Variants in HOXA3 observed in about 807,000 individuals in gnomAD.
HOXA3 encodes the protein homeobox protein Hox-A3.
In HOXA3, 8 loss-of-function variants were observed where a neutral mutation model predicts 30.3. The observed-to-expected ratio is 0.26, with a 90% CI of 0.15 to 0.48. The LOEUF (loss-of-function observed/expected upper bound fraction) is 0.48. HOXA3 is among the 20% of genes least tolerant of loss of function. HOXA3 has a pLI of 0.99. For synonymous variants in HOXA3, 323 were observed against 273.1 expected (o/e 1.18, Z -1.80); for missense variants, 653 against 614.4 (o/e 1.06, Z -0.66).
intron 2 of HOXA3, chr7:27,130,511 C>T: frequency 7.6e-7 from 1 of 1,315,524 alleles, no homozygotes; most frequent in Non-Finnish European, 9.7e-7. Flanking sequence ...GTCCGCGGCG[C>T]GTAGTAGGAG....
At chr7:27,139,749 C>A (rs980876353) in intron 2 of HOXA3, among the ~76,000 whole-genome samples, 2 of 152,186 alleles carry the variant, frequency 1.3e-5, no homozygotes, top group Non-Finnish European at 2.9e-5. Context: ...ACTGGGGGTG[C>A]GGCCCTGCCA....
At chr7:27,144,722 T>A (rs1390094906) in intron 1 of HOXA3, among the ~76,000 whole-genome samples, 2 of 152,222 alleles carry the variant, frequency 1.3e-5, no homozygotes, top group Non-Finnish European at 1.5e-5. Context: ...TCCTTGGCAG[T>A]GCCTAGTATC....
intron 3 of HOXA3, among the ~76,000 whole-genome samples, chr7:27,126,449 A>G (rs1337738626): frequency 6.6e-6 from 1 of 152,140 alleles, no homozygotes; most frequent in Non-Finnish European, 1.5e-5. Context: ...GCTTAAAAAA[A>G]AAAAACAATT....
chr7:27,110,156 G>C lies in HOXA3; in HGVS notation c.485C>G (p.Ser162Cys). ...AKQIFPWMKE[S>C]RQNTKQKTSS... Reference sequence around the variant, plus strand: ...GGTTTTCTGCTTTGTGTTTTGTCGAGACTCTTTCATCCAGGGGAAGATTTG... The same window carrying C: ...GGTTTTCTGCTTTGTGTTTTGTCGACACTCTTTCATCCAGGGGAAGATTTG... The change falls in exon 5 of 6, where the codon TCT (serine) becomes TGT (cysteine). Residue 162 changes from serine to cysteine, a missense_variant. Physicochemically the swap from Ser to Cys is moderately radical, Grantham distance 112. Coordinates refer to ENST00000612286, the MANE Select transcript of HOXA3 (RefSeq NM_153631.3). 4 of 1,614,224 alleles carry C rather than the reference G, an allele frequency of 2.5e-6. No individual in the cohort carries two copies. Among genetic ancestry groups the C allele is most frequent in the Non-Finnish European group, 2.5e-6 (3 of 1,180,042 alleles).
rs761518289 is a variant in HOXA3 at position 27,130,491 on chromosome 7, C to G, written c.-389-3421G>C. 2,427 of 1,279,822 alleles carry G rather than the reference C, an allele frequency of 1.9e-3. 1 individual carries two copies. The highest frequency in any genetic ancestry group is 2.2e-3 in the Non-Finnish European group (2,259 of 1,014,856). The allele number at this position is 1,279,822 out of a possible 1,614,324, so 79.3% of individuals were successfully genotyped here. On this transcript the variant is annotated intron_variant, in intron 2 of 5. Transcript: ENST00000612286. ...ACAGCGCGGCAGCAGGGTAGGCGGG[C>G]TCGCGGGCGGTCCGCGGCGCGTAGT...
intron 1 of HOXA3, chr7:27,145,426 C>T (rs1479426160): frequency 7.9e-6 from 5 of 634,472 alleles, no homozygotes; most frequent in Non-Finnish European, 1.3e-5. Context: ...CGCTCCACCG[C>T]TGGTATTGGC....
At chr7:27,137,548 ATAACT>A (rs1476765887) in intron 2 of HOXA3, among the ~76,000 whole-genome samples, 1 of 152,176 alleles carries the variant, frequency 6.6e-6, no homozygotes, top group Non-Finnish European at 1.5e-5. Context: ...CACAAAAGAA[ATAACT>A]TATCTACAGA....
rs146881836 is a variant in HOXA3, at chr7:27,109,086, A to G, written c.527-366T>C. Among the ~76,000 whole-genome samples the G allele has an allele frequency of 2.0e-5, 3 of 151,940 alleles. No homozygotes were observed. In the East Asian group the frequency reaches 5.8e-4, roughly 29 times the overall value. On this transcript the variant is annotated intron_variant, in intron 5 of 5. Coordinates refer to ENST00000612286, the MANE Select transcript of HOXA3 (RefSeq NM_153631.3). ...CGGTCTCAGCATCTCCATTCTCTTC[A>G]CAGTAACTGAAATGTGGGAAACCTA...
Position 27,107,894 on chromosome 7 carries a change from C to T in HOXA3, c.*21G>A, listed in dbSNP as rs193202877. On this transcript the variant is annotated 3_prime_UTR_variant, in exon 6 of 6. Coordinates refer to ENST00000612286, the MANE Select transcript of HOXA3 (RefSeq NM_153631.3). The stretch of plus-strand genomic sequence containing the variant: ...GGTGGGTGGGGGGAGACTCTCCTGG[C>T]GCGTAGCCCCAAGCCCACTATCACA... 1 of 1,476,642 alleles carries T rather than the reference C, an allele frequency of 6.8e-7. No homozygotes were observed. Among genetic ancestry groups the T allele is most frequent in the Non-Finnish European group, 9.1e-7 (1 of 1,100,822 alleles). The allele number at this position is 1,476,642 out of a possible 1,614,324, so 91.5% of individuals were successfully genotyped here.
intron 2 of HOXA3, chr7:27,129,257 T>A: frequency 6.4e-7 from 1 of 1,569,530 alleles, no homozygotes; most frequent in Non-Finnish European, 8.7e-7. Flanking sequence ...GTGGAGGTGC[T>A]CGGGTGGGGG....
intron 1 of HOXA3, among the ~76,000 whole-genome samples, chr7:27,149,176 T>C (rs1306699681): frequency 6.6e-6 from 1 of 152,250 alleles, no homozygotes; most frequent in Non-Finnish European, 1.5e-5. Context: ...TTACAACACA[T>C]GGATCAATCT....
In HOXA3 at chr7:27,107,884, A is replaced by T. The variant is rs764128970; in HGVS notation, c.*31T>A. On this transcript the variant is annotated 3_prime_UTR_variant, in exon 6 of 6. Coordinates refer to ENST00000612286, the MANE Select transcript of HOXA3 (RefSeq NM_153631.3). Reference sequence around the variant, plus strand: ...AAAGAAAAAAGGTGGGTGGGGGGAGACTCTCCTGGCGCGTAGCCCCAAGCC... The same window carrying T: ...AAAGAAAAAAGGTGGGTGGGGGGAGTCTCTCCTGGCGCGTAGCCCCAAGCC... The T allele has an allele frequency of 1.3e-5, 18 of 1,336,870 alleles. No individual in the cohort carries two copies. Among genetic ancestry groups the T allele is most frequent in the Non-Finnish European group, 1.8e-5 (18 of 1,014,330 alleles). The allele number at this position is 1,336,870 out of a possible 1,614,324, so 82.8% of individuals were successfully genotyped here. A position where few individuals can be genotyped will look rare whatever the true frequency, so the allele number is the denominator to read the frequency against.
chr7:27,147,130 G>A (rs558853822), intron 1 of HOXA3: 65 of 663,828 alleles, frequency 9.8e-5, no homozygotes, highest in Non-Finnish European at 1.5e-4. Flanking sequence ...CCTCTGCCAT[G>A]GCCTGATAGC....
chr7:27,110,192 G>A lies in HOXA3; in HGVS notation c.449C>T (p.Thr150Ile). The change falls in exon 5 of 6, where the codon ACA becomes ATA. Residue 150 changes from threonine (T) to isoleucine (I), a missense_variant. Around this residue, in one of 3 missense-constraint regions of HOXA3, gnomAD observed 320 missense variants for 321.9 expected, o/e 0.99. Transcript: ENST00000612286. ...CCAGGGGAAGATTTGTTTGGCCACT[G>A]TGGGTGAGTTGAGCAGGGGGCTCTT... ...AAKSPLLNSP[T>I]VAKQIFPWMK... 6.2e-7 allele frequency: 1 copy of A among 1,614,184 alleles called. No individual in the cohort carries two copies. The highest frequency in any genetic ancestry group is 8.5e-7 in the Non-Finnish European group (1 of 1,180,028).
intron 4 of HOXA3, among the ~76,000 whole-genome samples, chr7:27,111,706 C>T (rs959197625): frequency 6.6e-5 from 10 of 151,864 alleles, no homozygotes; most frequent in South Asian, 2.1e-4. Flanking sequence ...TGCTGTTATT[C>T]GGGGCAACTA....
At chr7:27,128,875 T>G in intron 2 of HOXA3, 1 of 307,956 alleles carries the variant, frequency 3.2e-6, no homozygotes, top group Non-Finnish European at 6.1e-6. Context: ...TCAACAAAGA[T>G]GCAAGTGTAT....
intron 2 of HOXA3, among the ~76,000 whole-genome samples, chr7:27,132,122 G>C (rs1785581863): frequency 6.6e-6 from 1 of 152,140 alleles, no homozygotes; most frequent in South Asian, 2.1e-4. Flanking sequence ...GACATATCTA[G>C]ATCCTCTACT....
intron 4 of HOXA3, among the ~76,000 whole-genome samples, chr7:27,120,034 C>T (rs948530302): frequency 6.6e-6 from 1 of 152,042 alleles, no homozygotes; most frequent in South Asian, 2.1e-4. Context: ...GTTCTCCTGA[C>T]CCCCAAGAAC....
intron 2 of HOXA3, among the ~76,000 whole-genome samples, chr7:27,133,356 C>G (rs550592582): frequency 6.6e-6 from 1 of 152,222 alleles, no homozygotes; most frequent in African/African-American, 2.4e-5. Flanking sequence ...AAAGTAAAGC[C>G]AGGAAGAAAC....
Sources: gnomAD v4.1 joint callset for allele counts (sites outside exome capture counted in the v4.1 genomes callset) on GRCh38, gnomAD v4.1.1 for gene constraint, gnomAD v4.1.1 regional missense constraint, MANE v1.5 for transcripts, NCBI Gene and HGNC (gene_info 2026-07-23, HGNC 2026-07-21) for gene names.